Variants in SIGLEC5 observed in about 807,000 individuals in gnomAD.
SIGLEC5 encodes sialic acid binding Ig like lectin 5.
A neutral mutation model predicts 45.9 loss-of-function variants in SIGLEC5; 34 were observed. The observed-to-expected ratio is 0.74, with a 90% CI of 0.56 to 0.99. The LOEUF is 0.99. Among genes scored for constraint, SIGLEC5 ranks in the 50% least tolerant of loss-of-function variants. The pLI is 0.00. For synonymous variants in SIGLEC5, 203 were observed against 258.6 expected (o/e 0.79, Z 2.06); for missense variants, 508 against 629.6 (o/e 0.81, Z 2.07).
intron 8 of SIGLEC5, among the ~76,000 whole-genome samples, chr19:51,625,482 C>A (rs1983441828): frequency 6.6e-6 from 1 of 152,126 alleles, no homozygotes; most frequent in Admixed American, 6.5e-5. Context: ...GCTCTGTGGT[C>A]AGTAGAGGTG....
At chr19:51,627,058 C>T in intron 7 of SIGLEC5, 91 bp downstream of exon 7, 1 of 944,114 alleles carries the variant, frequency 1.1e-6, no homozygotes, top group South Asian at 1.5e-5. Context: ...CACACATCAC[C>T]ACCTCTGGCC....
intron 4 of SIGLEC5, among the ~76,000 whole-genome samples, 177 bp downstream of exon 4, chr19:51,628,861 A>G (rs1462764604): frequency 7.2e-6 from 1 of 138,128 alleles, no homozygotes; most frequent in African/African-American, 2.6e-5. Flanking sequence ...GTGCGTGTGT[A>G]TGTGCGTGTG....
chr19:51,622,586 G>C (rs1983333168), intron 8 of SIGLEC5, among the ~76,000 whole-genome samples: 1 of 152,172 alleles, frequency 6.6e-6, no homozygotes. Flanking sequence ...CTCAGGGACA[G>C]TAAAATTGAC....
Position 51,611,132 on chromosome 19 carries a change from C to T in SIGLEC5, c.*1099G>A, listed in dbSNP as rs1052428220. On this transcript the variant is annotated 3_prime_UTR_variant, in exon 9 of 9. Coordinates refer to ENST00000683636, the MANE Select transcript of SIGLEC5 (RefSeq NM_003830.4). ...CCCAGTACTCCACTGGAATTATCCA[C>T]TCATTTCCTCATGACCACTTGCTGA... 3.3e-5 allele frequency among the ~76,000 whole-genome samples: 5 copies of T among 152,352 alleles called. No homozygotes were observed. The highest frequency in any genetic ancestry group is 3.3e-4 in the Admixed American group (5 of 15,306).
rs1600105572 is a variant in SIGLEC5 at position 51,628,946 on chromosome 19, A to C, written c.739+92T>G. ...AGTAATTCTCATTCTTGCTCTTCCC[A>C]AATCTGATTGCATTCAAGCTCTGAT... On this transcript the variant is annotated intron_variant, in intron 4 of 8. Coordinates refer to ENST00000683636, the MANE Select transcript of SIGLEC5 (RefSeq NM_003830.4). 8 of 1,294,440 alleles carry C rather than the reference A, an allele frequency of 6.2e-6. No homozygotes were observed. The South Asian group carries it at 7.7e-5, about 13-fold the overall frequency. The allele number at this position is 1,294,440 out of a possible 1,614,324, so 80.2% of individuals were successfully genotyped here.
intron 7 of SIGLEC5, 23 bp downstream of exon 7, chr19:51,627,125 AC>A: frequency 6.3e-7 from 1 of 1,586,444 alleles, no homozygotes; most frequent in South Asian, 1.1e-5. Context: ...ACCACCCTGT[AC>A]CTTCCCTGGG....
In SIGLEC5 at chr19:51,612,045, G is replaced by A. The variant is rs1447419086; in HGVS notation, c.*186C>T. 4 of 423,436 alleles carry A rather than the reference G, an allele frequency of 9.4e-6. No homozygotes were observed. In the East Asian group the frequency reaches 1.5e-4, roughly 16 times the overall value. 26.2% of individuals were successfully genotyped at this position (423,436 alleles called of 1,614,324 possible). ...CACAGAGGGATGCAGTGAATTGCTT[G>A]ATGACAGTGCCAGGGCCTAGATTTG... On this transcript the variant is annotated 3_prime_UTR_variant, in exon 9 of 9. Transcript: ENST00000683636.
Position 51,627,940 on chromosome 19 carries a change from C to T in SIGLEC5, c.891G>A (p.Gly297=). The T allele has an allele frequency of 6.2e-7, 1 of 1,614,132 alleles. No individual in the cohort carries two copies. Among genetic ancestry groups the T allele is most frequent in the Non-Finnish European group, 8.5e-7 (1 of 1,180,010 alleles). ...ACCTTACTCGACGAAGCTCCAAGATCCCGGTATTGGAGATGGGGGTGGCGT... is the reference window on the plus strand; with the variant it reads ...ACCTTACTCGACGAAGCTCCAAGATTCCGGTATTGGAGATGGGGGTGGCGT... The part of the protein sequence containing the change: ...ALNATPISNT[G]ILELRRVRSA... Residue 297 remains glycine (G), a synonymous_variant, in exon 5 of 9, where the codon GGG becomes GGA. Transcript: ENST00000683636.
chr19:51,624,019 C>T (rs1221040972), intron 8 of SIGLEC5, among the ~76,000 whole-genome samples: 1 of 151,868 alleles, frequency 6.6e-6, no homozygotes, highest in African/African-American at 2.4e-5. Flanking sequence ...ATGAGCCTTG[C>T]GTGGTGGTAC....
intron 8 of SIGLEC5, among the ~76,000 whole-genome samples, chr19:51,625,269 C>T (rs73050886): frequency 0.057 from 8,718 of 152,236 alleles, 335 homozygotes; most frequent in East Asian, 0.18. Flanking sequence ...GGCCAGGCCA[C>T]GGGGCAGGAT....
Position 51,626,455 on chromosome 19 carries a change from T to C in SIGLEC5, c.1383-342A>G, listed in dbSNP as rs1983485857. 2.0e-5 allele frequency among the ~76,000 whole-genome samples: 3 copies of C among 152,324 alleles called. No individual in the cohort carries two copies. In the South Asian group the frequency reaches 6.2e-4, roughly 32 times the overall value. ...CCACAAATCAAATGCGTTCCATTTA[T>C]ATAATGGAATATTATTTGAAAACAA... On this transcript the variant is annotated intron_variant, in intron 7 of 8. Coordinates refer to ENST00000683636, the MANE Select transcript of SIGLEC5 (RefSeq NM_003830.4).
intron 8 of SIGLEC5, among the ~76,000 whole-genome samples, chr19:51,622,311 T>A (rs1983320759): frequency 1.3e-5 from 2 of 151,802 alleles, no homozygotes; most frequent in African/African-American, 4.8e-5. Context: ...TTTTTTTTTT[T>A]TGTATTTTTA....
At chr19:51,627,381 G>C in intron 6 of SIGLEC5, 81 bp downstream of exon 6, 3 of 1,549,218 alleles carry the variant, frequency 1.9e-6, no homozygotes, top group Non-Finnish European at 2.6e-6. Context: ...CACCAGTCCA[G>C]CCTCTCTCTC....
rs8104955 is a variant in SIGLEC5, at chr19:51,627,535, G to A, written c.1209C>T (p.Ser403=). The change falls in exon 6 of 9, where the codon AGC becomes AGT. Residue 403 remains serine, a synonymous_variant. Coordinates refer to ENST00000683636, the MANE Select transcript of SIGLEC5 (RefSeq NM_003830.4). ...CCTTGCAGCTGACTTTGAGGTCGGA[G>A]CTGAGCCCCCCGTGGAGGATCAGGG... ...NSSLILHGGL[S]SDLKVSCKAW... The A allele has an allele frequency of 0.17, 267,555 of 1,613,870 alleles. 23,217 individuals are homozygous for A. Among genetic ancestry groups the A allele is most frequent in the African/African-American group, 0.24 (18,066 of 74,982 alleles).
intron 6 of SIGLEC5, 49 bp downstream of exon 6, chr19:51,627,413 T>A: frequency 6.4e-7 from 1 of 1,574,188 alleles, no homozygotes; most frequent in Non-Finnish European, 8.6e-7. Flanking sequence ...CACTCTGGGA[T>A]CCATGCCCCT....
chr19:51,614,912 AC>A (rs1298566518), intron 8 of SIGLEC5, among the ~76,000 whole-genome samples: 17 of 152,200 alleles, frequency 1.1e-4, no homozygotes, highest in Admixed American at 1.0e-3. Flanking sequence ...ACTCCTTGTA[AC>A]AATCCGAGAC....
At chr19:51,612,733 T>C (rs779489874) in intron 8 of SIGLEC5, among the ~76,000 whole-genome samples, 2 of 152,222 alleles carry the variant, frequency 1.3e-5, no homozygotes, top group East Asian at 1.9e-4. Flanking sequence ...TGCGCAGATA[T>C]ACTGCAGCAA....
chr19:51,618,792 CAAAA>C (rs398035001), intron 8 of SIGLEC5, among the ~76,000 whole-genome samples: 29 of 48,306 alleles, frequency 6.0e-4, no homozygotes, highest in Non-Finnish European at 8.9e-4. Context: ...ACTCTGTCTC[CAAAA>C]AAAAAAAAAA....
chr19:51,613,700 A>G (rs1377471470), intron 8 of SIGLEC5, among the ~76,000 whole-genome samples: 1 of 152,192 alleles, frequency 6.6e-6, no homozygotes, highest in East Asian at 1.9e-4. Context: ...TATAAAAGAT[A>G]TTCTAATTAT....
Sources: allele counts gnomAD v4.1 joint callset (sites outside exome capture counted in the v4.1 genomes callset), GRCh38; gene constraint gnomAD v4.1.1; transcripts MANE v1.5; gene names NCBI Gene and HGNC (gene_info 2026-07-23, HGNC 2026-07-21).